The following NPFFR2 variants were observed in gnomAD, a reference collection of about 807,000 sequenced individuals.
NPFFR2 encodes the protein neuropeptide FF receptor 2, also known as G-protein coupled receptor 74.
NPFFR2 carries 15 observed loss-of-function variants against 13.1 expected under a neutral mutation model. The ratio of observed to expected loss-of-function variants is 1.15; its 90% CI spans 0.77 to 1.76. NPFFR2 has a LOEUF of 1.76. Ranked by LOEUF, NPFFR2 falls within the 40% of genes most tolerant of loss-of-function variation. The pLI is 0.00. For missense variants in NPFFR2, 572 were observed against 503.5 expected (o/e 1.14, Z -1.30); for synonymous variants, 190 against 175.7 (o/e 1.08, Z -0.65).
chr4:72,145,686 G>A lies in NPFFR2; in HGVS notation c.429-1292G>A, dbSNP rs57962808. ...TGACAACAGAGCAGTCAAAGCCCAGGCTAACTAGTCATTCTATGAAGATAA... is the reference window on the plus strand; with the variant it reads ...TGACAACAGAGCAGTCAAAGCCCAGACTAACTAGTCATTCTATGAAGATAA... On this transcript the variant is annotated intron_variant, in intron 3 of 3. Coordinates refer to ENST00000308744, the MANE Select transcript of NPFFR2 (RefSeq NM_004885.3). 9.8e-3 allele frequency among the ~76,000 whole-genome samples: 1,487 copies of A among 152,192 alleles called. 32 individuals are homozygous for A. Among genetic ancestry groups the A allele is most frequent in the African/African-American group, 0.034 (1,391 of 41,520 alleles).
intron 1 of NPFFR2, chr4:72,068,962 A>G: frequency 7.0e-7 from 1 of 1,435,590 alleles, no homozygotes; most frequent in Non-Finnish European, 9.2e-7. Context: ...TTGACATACA[A>G]GAAACATCAA....
At chr4:72,059,850 T>G (rs1024776233) in intron 1 of NPFFR2, among the ~76,000 whole-genome samples, 1 of 152,096 alleles carries the variant, frequency 6.6e-6, no homozygotes, top group African/African-American at 2.4e-5. Context: ...CCTCCGTAAG[T>G]CTCCGCTATA....
At chr4:72,060,865 C>T (rs1719899868) in intron 1 of NPFFR2, among the ~76,000 whole-genome samples, 1 of 152,108 alleles carries the variant, frequency 6.6e-6, no homozygotes, top group Admixed American at 6.6e-5. Flanking sequence ...TATTAAAAAA[C>T]CTGTGATAAT....
chr4:72,074,524 A>T (rs570547593), intron 1 of NPFFR2, among the ~76,000 whole-genome samples: 2 of 152,208 alleles, frequency 1.3e-5, no homozygotes, highest in South Asian at 4.1e-4. Context: ...TTAGGTGGTT[A>T]TGTGTAGGAA....
intron 1 of NPFFR2, among the ~76,000 whole-genome samples, chr4:72,107,957 A>G (rs969289955): frequency 6.6e-6 from 1 of 152,024 alleles, no homozygotes; most frequent in African/African-American, 2.4e-5. Context: ...CTAAAAACAG[A>G]GATCTTACTT....
At chr4:72,135,441 GC>G (rs1308263884) in intron 2 of NPFFR2, among the ~76,000 whole-genome samples, 1 of 150,648 alleles carries the variant, frequency 6.6e-6, no homozygotes, top group Non-Finnish European at 1.5e-5. Flanking sequence ...TTAATTTTTT[GC>G]CCCTCATTCT....
chr4:72,098,024 A>T (rs28704670), intron 1 of NPFFR2, among the ~76,000 whole-genome samples: 4,423 of 152,236 alleles, frequency 0.029, 174 homozygotes, highest in African/African-American at 0.09. Context: ...TTTACATACA[A>T]GTCTTGCTTT....
At chr4:72,108,584 G>A (rs1279677151) in intron 1 of NPFFR2, among the ~76,000 whole-genome samples, 1 of 151,922 alleles carries the variant, frequency 6.6e-6, no homozygotes, top group African/African-American at 2.4e-5. Flanking sequence ...AAAAGAATTG[G>A]AGGAAATAGA....
At position 72,141,010 on chromosome 4, in the gene NPFFR2, T is replaced by G. The variant is rs181106095; in HGVS notation, c.428+2871T>G. ...TGGAAGGGTGTACGTGTCCAGGAAT[T>G]TATCCATTTCTTTTAGATTTTCTAG... On this transcript the variant is annotated intron_variant, in intron 3 of 3. Transcript: ENST00000308744. 2.2e-4 allele frequency among the ~76,000 whole-genome samples: 34 copies of G among 152,322 alleles called. No homozygotes were observed. In the East Asian group the frequency reaches 3.7e-3, roughly 16 times the overall value.
In NPFFR2 at chr4:72,147,228, A is replaced by T; in HGVS notation, c.679A>T (p.Ile227Phe). 6.2e-7 allele frequency: 1 copy of T among 1,614,192 alleles called. No homozygotes were observed. The highest frequency in any genetic ancestry group is 8.5e-7 in the Non-Finnish European group (1 of 1,180,026). ...CTACACCACTGTGCTGTTTGCCAAC[A>T]TCTACCTGGCTCCCCTCTCCCTCAT... The part of the protein sequence containing the change: ...KIYTTVLFAN[I>F]YLAPLSLIVI... Residue 227 changes from isoleucine (I) to phenylalanine (F), a missense_variant, in exon 4 of 4, where the codon ATC (isoleucine) becomes TTC (phenylalanine). Physicochemically the swap from Ile to Phe is conservative, Grantham distance 21. Coordinates refer to ENST00000308744, the MANE Select transcript of NPFFR2 (RefSeq NM_004885.3).
chr4:72,039,660 CT>C (rs1719151292), intron 1 of NPFFR2, among the ~76,000 whole-genome samples: 1 of 152,182 alleles, frequency 6.6e-6, no homozygotes, highest in African/African-American at 2.4e-5. Context: ...CCATTCCCTT[CT>C]TGATAAACAT....
chr4:72,072,936 G>A (rs1053012355), intron 1 of NPFFR2, among the ~76,000 whole-genome samples: 2 of 152,024 alleles, frequency 1.3e-5, no homozygotes, highest in African/African-American at 4.8e-5. Flanking sequence ...GAAAAAAATA[G>A]CAAAATGGCA....
At chr4:72,125,665 C>T (rs1722018465) in intron 1 of NPFFR2, among the ~76,000 whole-genome samples, 1 of 152,162 alleles carries the variant, frequency 6.6e-6, no homozygotes, top group East Asian at 1.9e-4. Context: ...GTCTGCATTC[C>T]TTGGCTCATG....
intron 1 of NPFFR2, among the ~76,000 whole-genome samples, chr4:72,103,720 C>A (rs1281162735): frequency 6.6e-6 from 1 of 152,042 alleles, no homozygotes; most frequent in Non-Finnish European, 1.5e-5. Context: ...TATGCCATAT[C>A]ATTTCAAAGT....
chr4:72,090,833 T>C (rs1411451493), intron 1 of NPFFR2, among the ~76,000 whole-genome samples: 1 of 152,108 alleles, frequency 6.6e-6, no homozygotes, highest in African/African-American at 2.4e-5. Flanking sequence ...TTCTGATTGC[T>C]CTGGCTAGGA....
intron 1 of NPFFR2, among the ~76,000 whole-genome samples, chr4:72,088,656 G>T (rs986505642): frequency 1.3e-5 from 2 of 151,990 alleles, no homozygotes; most frequent in African/African-American, 2.4e-5. Context: ...CAAAGGGGAA[G>T]CAACACGTCT....
intron 1 of NPFFR2, among the ~76,000 whole-genome samples, chr4:72,035,649 C>T (rs1279729787): frequency 6.6e-6 from 1 of 151,946 alleles, no homozygotes; most frequent in South Asian, 2.1e-4. Flanking sequence ...TGTATAATGA[C>T]CATCAGAATA....
At chr4:72,036,690 T>C (rs1409730871) in intron 1 of NPFFR2, among the ~76,000 whole-genome samples, 4 of 151,254 alleles carry the variant, frequency 2.6e-5, no homozygotes, top group Admixed American at 6.6e-5. Flanking sequence ...CAATCCACAA[T>C]GCCATTTTGC....
In NPFFR2 at chr4:72,047,963, C is replaced by A. The variant is rs4533728; in HGVS notation, c.-8+15763C>A. ...CTGTGGGCAAGGAGTAAAGTTATTCCTAAATTTGACAGATTTCCCCCACTC... is the reference window on the plus strand; with the variant it reads ...CTGTGGGCAAGGAGTAAAGTTATTCATAAATTTGACAGATTTCCCCCACTC... On this transcript the variant is annotated intron_variant, in intron 1 of 3. Transcript: ENST00000308744. 4.1e-3 allele frequency among the ~76,000 whole-genome samples: 626 copies of A among 152,070 alleles called. 7 individuals are homozygous for A. The highest frequency in any genetic ancestry group is 0.02 in the Middle Eastern group (6 of 294).
Sources: allele counts gnomAD v4.1 joint callset (sites outside exome capture counted in the v4.1 genomes callset), GRCh38; gene constraint gnomAD v4.1.1; transcripts MANE v1.5; gene names NCBI Gene and HGNC (gene_info 2026-07-23, HGNC 2026-07-21).